Variants in FSTL5 observed in about 807,000 individuals in gnomAD.
FSTL5 encodes follistatin like 5.
A neutral mutation model predicts 89.1 loss-of-function variants in FSTL5; 62 were observed. The observed-to-expected ratio is 0.70, with a 90% confidence interval of 0.57 to 0.86. The LOEUF (loss-of-function observed/expected upper bound fraction) is 0.86. Ranked by LOEUF, FSTL5 falls within the 40% of genes least tolerant of loss-of-function variation. The pLI, the probability that FSTL5 is intolerant of heterozygous loss-of-function variation, is 0.00. For synonymous variants in FSTL5, 383 were observed against 346.2 expected, an observed-to-expected ratio of 1.11 and a Z score of -1.18; for missense variants, 1,057 against 1,001.6, an observed-to-expected ratio of 1.06 and a Z score of -0.75.
intron 4 of FSTL5, among the ~76,000 whole-genome samples, chr4:161,898,610 T>C (rs1251726899): frequency 1.3e-5 from 2 of 151,754 alleles, no homozygotes; most frequent in Non-Finnish European, 2.9e-5. Flanking sequence ...CATAAATATA[T>C]TTGGCATCTG....
chr4:161,658,324 T>C (rs1442601983), intron 6 of FSTL5, among the ~76,000 whole-genome samples: 1 of 151,996 alleles, frequency 6.6e-6, no homozygotes, highest in East Asian at 1.9e-4. Flanking sequence ...CCAGGCATTG[T>C]GGCTCACGCC....
chr4:161,789,982 C>G (rs139264454), intron 4 of FSTL5, among the ~76,000 whole-genome samples: 7 of 152,120 alleles, frequency 4.6e-5, no homozygotes, highest in Non-Finnish European at 7.4e-5. Context: ...GCTCAGTAAC[C>G]GAATTAATTT....
In FSTL5 at chr4:161,829,017, G is replaced by T. The variant is rs550940404; in HGVS notation, c.410-52943C>A. ...TCAGGTTAAGAATTAAGTTATTCAA[G>T]GAATTAAATTTTAAGACTGGGAGCT... On this transcript the variant is annotated intron_variant, in intron 4 of 15. Transcript: ENST00000306100. Among the ~76,000 whole-genome samples the T allele has an allele frequency of 2.4e-3, 370 of 151,456 alleles. 2 individuals are homozygous for T. The highest frequency in any genetic ancestry group is 6.8e-3 in the Middle Eastern group (2 of 292).
intron 8 of FSTL5, among the ~76,000 whole-genome samples, chr4:161,577,212 G>A (rs1733248134): frequency 6.6e-6 from 1 of 152,032 alleles, no homozygotes; most frequent in African/African-American, 2.4e-5. Flanking sequence ...TAGGGCTGAT[G>A]CTGTCAATAT....
intron 10 of FSTL5, among the ~76,000 whole-genome samples, chr4:161,535,459 C>G (rs1013015967): frequency 6.6e-6 from 1 of 151,994 alleles, no homozygotes; most frequent in Non-Finnish European, 1.5e-5. Flanking sequence ...TACAAATGGT[C>G]AGCAAACATA....
At chr4:161,781,256 A>G (rs2126810016) in intron 4 of FSTL5, among the ~76,000 whole-genome samples, 1 of 152,172 alleles carries the variant, frequency 6.6e-6, no homozygotes, top group African/African-American at 2.4e-5. Context: ...TCATATTTAT[A>G]TTAATTATAA....
At chr4:161,900,825 C>T (rs1477502730) in intron 4 of FSTL5, among the ~76,000 whole-genome samples, 1 of 151,810 alleles carries the variant, frequency 6.6e-6, no homozygotes, top group Admixed American at 6.6e-5. Context: ...AAACACTTAC[C>T]AACTCTTATT....
At chr4:161,892,431 T>C (rs1733017365) in intron 4 of FSTL5, among the ~76,000 whole-genome samples, 1 of 152,064 alleles carries the variant, frequency 6.6e-6, no homozygotes, top group South Asian at 2.1e-4. Flanking sequence ...GTTAATTTTA[T>C]ATTTTATAAT....
At chr4:161,526,195 T>C (rs1039295872) in intron 10 of FSTL5, among the ~76,000 whole-genome samples, 2 of 152,154 alleles carry the variant, frequency 1.3e-5, no homozygotes, top group African/African-American at 4.8e-5. Context: ...ACTTGTATGA[T>C]AATGGTTGAA....
chr4:161,676,419 C>G (rs942043705), intron 6 of FSTL5, among the ~76,000 whole-genome samples: 1 of 151,910 alleles, frequency 6.6e-6, no homozygotes, highest in East Asian at 1.9e-4. Flanking sequence ...AATCAAACAC[C>G]GCATGTTCTC....
At chr4:161,557,933 C>T (rs574754558) in intron 8 of FSTL5, among the ~76,000 whole-genome samples, 3 of 151,736 alleles carry the variant, frequency 2.0e-5, no homozygotes, top group Non-Finnish European at 2.9e-5. Context: ...AGTCATGTGT[C>T]GCTTAAAGAT....
Position 161,653,198 on chromosome 4 carries a change from G to A in FSTL5, c.894+3130C>T, listed in dbSNP as rs138878915. On this transcript the variant is annotated intron_variant, in intron 7 of 15. Coordinates refer to ENST00000306100, the MANE Select transcript of FSTL5 (RefSeq NM_020116.5). ...AACATTCAAGAGAGCAGAGTATCAC[G>A]CCTGGGGTCTAAAATGCCAGCAAAG... is the stretch of plus-strand genomic sequence containing the variant. Among the ~76,000 whole-genome samples, 922 of 152,220 alleles carry A rather than the reference G, an allele frequency of 6.1e-3. 9 individuals carry two copies. The highest frequency in any genetic ancestry group is 0.045 in the South Asian group (219 of 4,824).
intron 8 of FSTL5, among the ~76,000 whole-genome samples, chr4:161,586,877 TG>T (rs1733634856): frequency 6.6e-6 from 1 of 152,174 alleles, no homozygotes; most frequent in African/African-American, 2.4e-5. Context: ...TTAAAATATA[TG>T]TTACAATAAA....
chr4:161,657,219 A>G (rs1375781326), intron 6 of FSTL5, among the ~76,000 whole-genome samples: 1 of 152,208 alleles, frequency 6.6e-6, no homozygotes, highest in East Asian at 1.9e-4. Flanking sequence ...AATCCTTACC[A>G]ATTAGGAGAA....
chr4:161,441,601 G>C (rs1473502358), intron 15 of FSTL5, among the ~76,000 whole-genome samples: 1 of 151,800 alleles, frequency 6.6e-6, no homozygotes, highest in East Asian at 1.9e-4. Context: ...AAGTCTCTAC[G>C]GCATCTTCAG....
chr4:161,589,504 G>A (rs1425814046), intron 7 of FSTL5, among the ~76,000 whole-genome samples: 2 of 151,912 alleles, frequency 1.3e-5, no homozygotes, highest in Non-Finnish European at 2.9e-5. Context: ...TTTTAGCAGA[G>A]ACAGGTTTTC....
chr4:161,822,114 A>G (rs534989824), intron 4 of FSTL5, among the ~76,000 whole-genome samples: 102 of 150,874 alleles, frequency 6.8e-4, no homozygotes, highest in Non-Finnish European at 1.4e-3. Flanking sequence ...TTTTTTCATT[A>G]TGGCCATTCT....
chr4:161,912,137 C>T (rs991864911), intron 4 of FSTL5, among the ~76,000 whole-genome samples: 23 of 152,062 alleles, frequency 1.5e-4, no homozygotes, highest in African/African-American at 2.7e-4. Flanking sequence ...TTTTTTACCA[C>T]TGTGTTTTTG....
At position 162,141,404 on chromosome 4, in the gene FSTL5, C is replaced by A. The variant is rs535286981; in HGVS notation, c.-17+22211G>T. On this transcript the variant is annotated intron_variant, in intron 1 of 15. Transcript: ENST00000306100. ...TGCTGGGATTACAGGCGTGAGCCAC[C>A]GCGCCCGGCCTCCCTTCTCTCTTTT... Among the ~76,000 whole-genome samples the A allele has an allele frequency of 5.6e-5, 5 of 88,818 alleles. 1 individual carries two copies. Among genetic ancestry groups the A allele is most frequent in the Admixed American group, 2.0e-4 (2 of 9,926 alleles). 58.3% of individuals were successfully genotyped at this position (88,818 alleles called of 152,430 possible).
Sources: allele counts gnomAD v4.1 joint callset (sites outside exome capture counted in the v4.1 genomes callset), GRCh38; gene constraint gnomAD v4.1.1; transcripts MANE v1.5; gene names NCBI Gene and HGNC (gene_info 2026-07-23, HGNC 2026-07-21).